The following HECW2 variants were observed in gnomAD, a reference collection of about 807,000 sequenced individuals.
HECW2 encodes E3 ubiquitin-protein ligase HECW2.
Under a neutral mutation model 175.2 loss-of-function variants are expected in HECW2, and 61 were observed. The ratio of observed to expected loss-of-function variants is 0.35; its 90% CI spans 0.28 to 0.43. The LOEUF (loss-of-function observed/expected upper bound fraction) is 0.43, where lower values mean the gene tolerates loss of function less well. Among genes scored for constraint, HECW2 ranks in the 20% least tolerant of loss-of-function variants. The pLI, the probability that HECW2 is intolerant of heterozygous loss-of-function variation, is 1.00. For synonymous variants in HECW2, 671 were observed against 731.0 expected (o/e 0.92, Z 1.32); for missense variants, 1,524 against 2,000.5 (o/e 0.76, Z 4.54).
At chr2:196,362,530 G>A (rs1435605419) in intron 2 of HECW2, among the ~76,000 whole-genome samples, 2 of 152,054 alleles carry the variant, frequency 1.3e-5, no homozygotes, top group East Asian at 3.8e-4. Flanking sequence ...TACTGAAATG[G>A]GCTTACAGTA....
At chr2:196,350,702 G>A (rs1023999365) in intron 2 of HECW2, among the ~76,000 whole-genome samples, 8 of 152,144 alleles carry the variant, frequency 5.3e-5, no homozygotes, top group African/African-American at 1.9e-4. Flanking sequence ...ATAAGCAGCT[G>A]ACGGGATAAG....
intron 10 of HECW2, among the ~76,000 whole-genome samples, chr2:196,310,355 A>G (rs1691446771): frequency 2.0e-5 from 3 of 152,226 alleles, no homozygotes; most frequent in Admixed American, 2.0e-4. Flanking sequence ...CAAATTCTAT[A>G]GTGCCAATTT....
chr2:196,441,718 C>CA (rs1475216591), intron 1 of HECW2, among the ~76,000 whole-genome samples: 12 of 152,218 alleles, frequency 7.9e-5, no homozygotes, highest in African/African-American at 2.4e-4. Context: ...CCGTGTTTAT[C>CA]ATAGATAATC....
At chr2:196,555,942 C>T (rs925171654) in intron 1 of HECW2, among the ~76,000 whole-genome samples, 6 of 152,194 alleles carry the variant, frequency 3.9e-5, no homozygotes, top group African/African-American at 1.4e-4. Context: ...GCCTGAAATG[C>T]CTTCCTCCAC....
At chr2:196,436,091 A>G (rs1210934131) in intron 1 of HECW2, among the ~76,000 whole-genome samples, 2 of 152,040 alleles carry the variant, frequency 1.3e-5, no homozygotes, top group African/African-American at 4.8e-5. Context: ...GCCCCATAAC[A>G]CTGACAAGAG....
At chr2:196,491,523 CACAT>C (rs781294064) in intron 1 of HECW2, among the ~76,000 whole-genome samples, 5 of 143,634 alleles carry the variant, frequency 3.5e-5, no homozygotes, top group African/African-American at 1.4e-4. Flanking sequence ...CACACACACA[CACAT>C]ATACACACAT....
In HECW2 at chr2:196,196,279, A is replaced by T. The variant is rs189308106; in HGVS notation, c.*4998T>A. ...TTTTATCATCCTTTCAGTGGGCAGT[A>T]GCTGGCCTTAAGCCACAATTCAGAA... is the stretch of plus-strand genomic sequence containing the variant. On this transcript the variant is annotated 3_prime_UTR_variant, in exon 29 of 29. Transcript: ENST00000644978. 1 of 152,404 alleles carries T rather than the reference A, an allele frequency of 6.6e-6. No individual in the cohort carries two copies. The highest frequency in any genetic ancestry group is 2.4e-5 in the African/African-American group (1 of 41,574). The allele number at this position is 152,404 out of a possible 1,614,324, so 9.4% of individuals were successfully genotyped here.
intron 15 of HECW2, among the ~76,000 whole-genome samples, chr2:196,277,528 G>C (rs1209048939): frequency 6.6e-6 from 1 of 152,098 alleles, no homozygotes; most frequent in Non-Finnish European, 1.5e-5. Flanking sequence ...ACTGTTGGTG[G>C]GACTGTAAAT....
chr2:196,283,568 A>G (rs1690270288), intron 14 of HECW2, among the ~76,000 whole-genome samples: 1 of 151,884 alleles, frequency 6.6e-6, no homozygotes, highest in Non-Finnish European at 1.5e-5. Flanking sequence ...TTTAATAGAG[A>G]CGGGGTTTCA....
At chr2:196,504,521 C>T (rs983982018) in intron 1 of HECW2, among the ~76,000 whole-genome samples, 3 of 152,046 alleles carry the variant, frequency 2.0e-5, no homozygotes, top group African/African-American at 7.2e-5. Flanking sequence ...ACTCTCCTTC[C>T]TCTCTCTCTA....
At chr2:196,527,511 A>G (rs1203072988) in intron 1 of HECW2, among the ~76,000 whole-genome samples, 2 of 152,168 alleles carry the variant, frequency 1.3e-5, no homozygotes, top group African/African-American at 4.8e-5. Flanking sequence ...GAATCCCTTC[A>G]TTTTAATCCA....
chr2:196,281,899 G>A (rs2105997307), intron 14 of HECW2, among the ~76,000 whole-genome samples: 1 of 152,200 alleles, frequency 6.6e-6, no homozygotes, highest in East Asian at 1.9e-4. Context: ...GGGCAAATTA[G>A]TTAAAATTTT....
chr2:196,583,750 T>C (rs1559188386), intron 1 of HECW2, among the ~76,000 whole-genome samples: 2 of 152,224 alleles, frequency 1.3e-5, no homozygotes, highest in East Asian at 1.9e-4. Flanking sequence ...GAAGAAGAAA[T>C]AGATGGTTCC....
intron 2 of HECW2, among the ~76,000 whole-genome samples, chr2:196,391,976 T>C (rs34932750): frequency 0.58 from 88,931 of 152,048 alleles, 29,323 homozygotes; most frequent in East Asian, 0.84. Context: ...ACAACATTCA[T>C]TGGATTCATT....
At position 196,317,233 on chromosome 2, in the gene HECW2, C is replaced by T. The variant is rs185789167; in HGVS notation, c.2434+41G>A. 4.9e-6 allele frequency: 7 copies of T among 1,430,602 alleles called. No homozygotes were observed. The East Asian group carries it at 9.3e-5, about 19-fold the overall frequency. The allele number at this position is 1,430,602 out of a possible 1,614,324, so 88.6% of individuals were successfully genotyped here. On this transcript the variant is annotated intron_variant, in intron 10 of 28. Coordinates refer to ENST00000644978, the MANE Select transcript of HECW2 (RefSeq NM_001348768.2). ...AATGGGTCTGCCTGTCACCTTTCAC[C>T]GTTTGATTAAGGTGGGCCCTTTTAA...
intron 1 of HECW2, among the ~76,000 whole-genome samples, chr2:196,586,932 ACACTC>A (rs1691004070): frequency 1.3e-5 from 2 of 152,118 alleles, no homozygotes; most frequent in Admixed American, 6.5e-5. Context: ...TCGCTCTTCC[ACACTC>A]CACTCCACTG....
intron 28 of HECW2, 106 bp from the exon 29 acceptor site, chr2:196,201,494 C>A: frequency 1.7e-6 from 1 of 598,594 alleles, no homozygotes; most frequent in Non-Finnish European, 2.8e-6. Flanking sequence ...CTGTCTTTCA[C>A]ATTCAAATTT....
intron 2 of HECW2, among the ~76,000 whole-genome samples, chr2:196,390,730 A>G (rs1422203914): frequency 1.3e-5 from 2 of 152,174 alleles, no homozygotes; most frequent in Admixed American, 6.5e-5. Context: ...ATGGATCTAG[A>G]CACAAATACA....
chr2:196,564,322 T>A (rs1172408149), intron 1 of HECW2, among the ~76,000 whole-genome samples: 2 of 152,166 alleles, frequency 1.3e-5, no homozygotes, highest in African/African-American at 2.4e-5. Flanking sequence ...GCATCCTGGA[T>A]CCTTAAAAAA....
Sources: gnomAD v4.1 joint callset for allele counts (sites outside exome capture counted in the v4.1 genomes callset) on GRCh38, gnomAD v4.1.1 for gene constraint, MANE v1.5 for transcripts, NCBI Gene and HGNC (gene_info 2026-07-23, HGNC 2026-07-21) for gene names.